Variants in CRYBG1 observed in about 807,000 individuals in gnomAD.
CRYBG1 encodes the protein beta/gamma crystallin domain-containing protein 1.
CRYBG1 carries 139 observed loss-of-function variants against 189.2 expected under a neutral mutation model. The ratio of observed to expected loss-of-function variants is 0.73; its 90% CI spans 0.64 to 0.85. CRYBG1 has a LOEUF of 0.85. Among genes scored for constraint, CRYBG1 ranks in the 40% least tolerant of loss-of-function variants. The pLI, the probability that CRYBG1 is intolerant of heterozygous loss-of-function variation, is 0.00. For synonymous variants in CRYBG1, 1,023 were observed against 1,017.1 expected, an observed-to-expected ratio of 1.01 and a Z score of -0.11; for missense variants, 2,611 against 2,675.8, an observed-to-expected ratio of 0.98 and a Z score of 0.53.
chr6:106,387,497 C>G (rs1770414573), intron 1 of CRYBG1, among the ~76,000 whole-genome samples: 1 of 152,206 alleles, frequency 6.6e-6, no homozygotes, highest in Non-Finnish European at 1.5e-5. Context: ...CCTGCTGTCA[C>G]CTCCCTGTCT....
intron 21 of CRYBG1, among the ~76,000 whole-genome samples, chr6:106,567,759 A>G (rs1005913929): frequency 3.3e-5 from 5 of 152,204 alleles, no homozygotes; most frequent in Non-Finnish European, 2.9e-5. Flanking sequence ...TTTTAGCACT[A>G]AAGTATCTGA....
intron 1 of CRYBG1, among the ~76,000 whole-genome samples, chr6:106,406,492 A>G (rs1315165375): frequency 6.6e-6 from 1 of 152,232 alleles, no homozygotes; most frequent in Non-Finnish European, 1.5e-5. Flanking sequence ...AACTTCCCCA[A>G]CCTAGCAAGG....
intron 1 of CRYBG1, among the ~76,000 whole-genome samples, chr6:106,380,793 G>A (rs537233169): frequency 1.3e-5 from 2 of 152,272 alleles, no homozygotes; most frequent in African/African-American, 4.8e-5. Flanking sequence ...TTACAGGAAA[G>A]TTTGTCATGT....
At position 106,551,928 on chromosome 6, in the gene CRYBG1, G is replaced by T; in HGVS notation, c.5389G>T (p.Asp1797Tyr). Residue 1797 changes from aspartate to tyrosine, a missense_variant, in exon 14 of 22, where the codon GAC becomes TAC. Physicochemically the swap from Asp to Tyr is radical, Grantham distance 160. Transcript: ENST00000633556. ...LDKGFYTSFE[D>Y]WGGKNCKISS... ...TAAAGGATTTTATACCAGTTTTGAG[G>T]ACTGGGGAGGCAAAAATTGTAAGAT... 6.2e-7 allele frequency: 1 copy of T among 1,611,568 alleles called. No homozygotes were observed. Among genetic ancestry groups the T allele is most frequent in the Non-Finnish European group, 8.5e-7 (1 of 1,178,008 alleles).
chr6:106,564,010 G>A (rs545115096), intron 21 of CRYBG1, 84 bp downstream of exon 21: 52 of 1,384,102 alleles, frequency 3.8e-5, no homozygotes, highest in Non-Finnish European at 5.2e-5. Flanking sequence ...TTTTGAAAAT[G>A]ATGAATGTAT....
intron 1 of CRYBG1, among the ~76,000 whole-genome samples, chr6:106,386,034 C>G (rs1770381899): frequency 6.6e-6 from 1 of 152,172 alleles, no homozygotes; most frequent in South Asian, 2.1e-4. Flanking sequence ...TCTTTTAATG[C>G]AGGGTACTTG....
At chr6:106,480,196 G>A (rs547640962) in intron 2 of CRYBG1, among the ~76,000 whole-genome samples, 2 of 152,226 alleles carry the variant, frequency 1.3e-5, no homozygotes, top group African/African-American at 4.8e-5. Flanking sequence ...CAAGACTTAA[G>A]TATGAAGTTC....
At chr6:106,464,311 G>A (rs1418344330) in intron 2 of CRYBG1, among the ~76,000 whole-genome samples, 18 of 152,178 alleles carry the variant, frequency 1.2e-4, no homozygotes, top group Admixed American at 1.2e-3. Context: ...TGACCAACAT[G>A]ATGAAACCCA....
chr6:106,470,571 CA>C (rs543404497), intron 2 of CRYBG1, among the ~76,000 whole-genome samples: 33 of 147,614 alleles, frequency 2.2e-4, no homozygotes, highest in East Asian at 4.0e-4. Flanking sequence ...GGCTTCATCT[CA>C]AAAAAAAAAT....
chr6:106,398,446 AAAAT>A (rs534571209), intron 1 of CRYBG1, among the ~76,000 whole-genome samples: 6 of 152,070 alleles, frequency 3.9e-5, no homozygotes, highest in African/African-American at 9.7e-5. Flanking sequence ...CTTGTCTCAA[AAAAT>A]AAATAAATAA....
chr6:106,369,283 G>A (rs1261953647), intron 1 of CRYBG1, among the ~76,000 whole-genome samples: 1 of 152,182 alleles, frequency 6.6e-6, no homozygotes, highest in African/African-American at 2.4e-5. Flanking sequence ...AGTACCTTTT[G>A]TTTGTTACCT....
chr6:106,430,051 G>A (rs1428273230), intron 1 of CRYBG1, among the ~76,000 whole-genome samples: 1 of 151,978 alleles, frequency 6.6e-6, no homozygotes, highest in African/African-American at 2.4e-5. Context: ...TTAGATTTCA[G>A]GTTTCTCCTA....
intron 1 of CRYBG1, among the ~76,000 whole-genome samples, chr6:106,436,111 T>G (rs1271850886): frequency 6.6e-6 from 1 of 152,146 alleles, no homozygotes; most frequent in Non-Finnish European, 1.5e-5. Flanking sequence ...AGGAACCTAT[T>G]AGGAGTTTTA....
Position 106,504,029 on chromosome 6 carries a change from G to GAAAA in CRYBG1, c.313-7385_313-7382dup, listed in dbSNP as rs33971164. Among the ~76,000 whole-genome samples the GAAAA allele has an allele frequency of 2.9e-3, 255 of 88,502 alleles. 3 individuals are homozygous for GAAAA. The highest frequency in any genetic ancestry group is 0.011 in the South Asian group (27 of 2,522). The allele number at this position is 88,502 out of a possible 152,430, so 58.1% of individuals were successfully genotyped here. A position where few individuals can be genotyped will look rare whatever the true frequency, so the allele number is the denominator to read the frequency against. On this transcript the variant is annotated intron_variant, in intron 2 of 21. Transcript: ENST00000633556. ...TGTTTGGCCTGAAGTGACAGCATTA[G>GAAAA]AAAAAAAAAAAAAAAAAAACCACAA... is the stretch of plus-strand genomic sequence containing the variant.
intron 1 of CRYBG1, among the ~76,000 whole-genome samples, chr6:106,366,700 T>C (rs1279800819): frequency 6.6e-6 from 1 of 152,176 alleles, no homozygotes; most frequent in East Asian, 1.9e-4. Flanking sequence ...TACACTTCTC[T>C]TATGGAGCTG....
intron 2 of CRYBG1, among the ~76,000 whole-genome samples, chr6:106,488,962 T>C (rs1477176632): frequency 6.6e-6 from 1 of 152,122 alleles, no homozygotes; most frequent in Middle Eastern, 3.2e-3. Context: ...TCAAGGGAGT[T>C]CTTGCTCTGG....
chr6:106,429,088 T>A (rs1228359805), intron 1 of CRYBG1, among the ~76,000 whole-genome samples: 1 of 151,880 alleles, frequency 6.6e-6, no homozygotes, highest in African/African-American at 2.4e-5. Flanking sequence ...TCTGTAAGGC[T>A]GGCAGAGTTG....
At chr6:106,555,924 G>A (rs1433753393) in intron 17 of CRYBG1, 27 bp downstream of exon 17, 1 of 1,613,668 alleles carries the variant, frequency 6.2e-7, no homozygotes, top group African/African-American at 1.3e-5. Flanking sequence ...GAATAGTGTT[G>A]CAGAAATGTA....
intron 1 of CRYBG1, among the ~76,000 whole-genome samples, chr6:106,370,684 G>T (rs1424600679): frequency 1.3e-5 from 2 of 152,136 alleles, no homozygotes; most frequent in Non-Finnish European, 2.9e-5. Flanking sequence ...TTCATGGAAG[G>T]TAATGCAGGT....
Sources: gnomAD v4.1 joint callset for allele counts (sites outside exome capture counted in the v4.1 genomes callset) on GRCh38, gnomAD v4.1.1 for gene constraint, MANE v1.5 for transcripts, NCBI Gene and HGNC (gene_info 2026-07-23, HGNC 2026-07-21) for gene names.